Variants in GARIN5B observed in about 807,000 individuals in gnomAD.
GARIN5B encodes golgi associated RAB2 interactor family member 5B, also known as Golgi-associated RAB2 interactor protein 5B.
At chr19:55,359,608 C>G in the GARIN5B span, 1 of 1,551,504 alleles carries the variant, frequency 6.4e-7, no homozygotes, top group Non-Finnish European at 8.7e-7. Flanking sequence ...CTGGGAGCTT[C>G]TGGGACTGGT....
At chr19:55,358,320 G>A in the GARIN5B span, 2 of 1,540,956 alleles carry the variant, frequency 1.3e-6, no homozygotes, top group South Asian at 1.2e-5. Flanking sequence ...ACCCTCTTGG[G>A]CTGCTGGGAC....
the GARIN5B span, chr19:55,359,170 C>A: frequency 1.3e-6 from 2 of 1,551,152 alleles, no homozygotes; most frequent in Non-Finnish European, 1.7e-6. Context: ...CTGTTGGCAA[C>A]ACGTCAAAAT....
the GARIN5B span, chr19:55,358,005 G>T: frequency 1.0e-6 from 1 of 976,036 alleles, no homozygotes; most frequent in South Asian, 3.3e-5. Flanking sequence ...AGTGAGCCAA[G>T]ATCATACCAC....
the GARIN5B span, chr19:55,360,977 C>T: frequency 7.1e-6 from 11 of 1,548,584 alleles, no homozygotes; most frequent in Middle Eastern, 1.7e-4. Context: ...ACCCACCCAC[C>T]GGCAACAAGA....
chr19:55,359,611 G>A, the GARIN5B span: 1 of 1,551,352 alleles, frequency 6.4e-7, no homozygotes, highest in Non-Finnish European at 8.7e-7. Context: ...GGAGCTTCTG[G>A]GACTGGTCAA....
At chr19:55,361,240 T>C in the GARIN5B span, 26 of 1,550,660 alleles carry the variant, frequency 1.7e-5, no homozygotes, top group Non-Finnish European at 2.3e-5. Context: ...CAACCCTGAC[T>C]GGGAAGAGAG....
the GARIN5B span, chr19:55,360,940 C>T: frequency 1.3e-6 from 2 of 1,543,496 alleles, no homozygotes; most frequent in Admixed American, 2.0e-5. Context: ...TTGGTGGCAT[C>T]TGGGCTGGGG....
chr19:55,363,091 G>A, the GARIN5B span: 1 of 1,472,156 alleles, frequency 6.8e-7, no homozygotes, highest in East Asian at 2.7e-5. This position sits in a 1 kb window ranked among gnomAD's most constrained non-coding sequence, Gnocchi z 4.0. Context: ...ATGGGTACTG[G>A]TTTAGGGACC....
the GARIN5B span, among the ~76,000 whole-genome samples, chr19:55,357,142 A>G: frequency 2.6e-5 from 4 of 152,150 alleles, no homozygotes; most frequent in Admixed American, 6.5e-5. Context: ...CTGGCCTCCA[A>G]CGATTCACTT....
chr19:55,359,766 C>A, the GARIN5B span: 6 of 1,551,260 alleles, frequency 3.9e-6, no homozygotes, highest in Non-Finnish European at 5.2e-6. Context: ...AGGCAGGCAG[C>A]CGGGGGATAG....
the GARIN5B span, among the ~76,000 whole-genome samples, chr19:55,361,848 GT>G: frequency 1.5e-5 from 1 of 67,792 alleles, no homozygotes; most frequent in African/African-American, 8.4e-5. Context: ...ACCCAGGAGA[GT>G]TCAGACTGCC....
the GARIN5B span, chr19:55,361,554 G>C: frequency 9.6e-7 from 1 of 1,046,704 alleles, no homozygotes; most frequent in Non-Finnish European, 1.3e-6. Context: ...TCCTGCCTCA[G>C]ACCCAGGAGT....
At chr19:55,361,862 C>CT in the GARIN5B span, among the ~76,000 whole-genome samples, 2 of 143,964 alleles carry the variant, frequency 1.4e-5, no homozygotes, top group African/African-American at 5.1e-5. Flanking sequence ...AGACTGCCAG[C>CT]CCTTCACCCT....
At chr19:55,359,626 G>A in the GARIN5B span, 1 of 1,550,962 alleles carries the variant, frequency 6.4e-7, no homozygotes, top group Non-Finnish European at 8.7e-7. Flanking sequence ...GGTCAACAAG[G>A]AACGGTGCCT....
the GARIN5B span, chr19:55,358,321 C>G: frequency 6.5e-7 from 1 of 1,539,756 alleles, no homozygotes; most frequent in Non-Finnish European, 8.8e-7. Flanking sequence ...CCCTCTTGGG[C>G]TGCTGGGACG....
At chr19:55,362,307 T>C in the GARIN5B span, 1 of 1,549,620 alleles carries the variant, frequency 6.5e-7, no homozygotes, top group South Asian at 1.2e-5. Context: ...GCCGTGCGCG[T>C]GGTCCTGGGG....
chr19:55,359,938 A>C, the GARIN5B span: 3 of 1,550,806 alleles, frequency 1.9e-6, no homozygotes, highest in Admixed American at 2.0e-5. Flanking sequence ...TCTCAACCAC[A>C]TGTCCCTGGC....
At chr19:55,361,198 A>G in the GARIN5B span, 1,548,070 of 1,551,298 alleles carry the variant, frequency 1, 772,520 homozygotes, top group African/African-American at 1. Flanking sequence ...GTCTCTGAGC[A>G]GCCACCGTCT....
At chr19:55,358,007 T>G in the GARIN5B span, 1 of 989,004 alleles carries the variant, frequency 1.0e-6, no homozygotes, top group Non-Finnish European at 1.3e-6. Flanking sequence ...TGAGCCAAGA[T>G]CATACCACCG....
Sources: allele counts gnomAD v4.1 joint callset (sites outside exome capture counted in the v4.1 genomes callset), GRCh38; gene constraint gnomAD v4.1.1; non-coding constraint Gnocchi (gnomAD v3.1); transcripts MANE v1.5; gene names NCBI Gene and HGNC (gene_info 2026-07-23, HGNC 2026-07-21).